SLC5A9: variants seen among roughly 807,000 people sequenced by gnomAD.
SLC5A9 encodes solute carrier family 5 member 9, also known as sodium/glucose cotransporter 4.
In SLC5A9, 59 loss-of-function variants were observed where a neutral mutation model predicts 70.9. The ratio of observed to expected loss-of-function variants is 0.83; its 90% confidence interval spans 0.68 to 1.03. The LOEUF (loss-of-function observed/expected upper bound fraction) is 1.03. Among genes scored for constraint, SLC5A9 ranks in the 50% least tolerant of loss-of-function variants. The pLI, the probability that SLC5A9 is intolerant of heterozygous loss-of-function variation, is 0.00. For missense variants in SLC5A9, 832 were observed against 881.1 expected (o/e 0.94, Z 0.71); for synonymous variants, 340 against 346.5 (o/e 0.98, Z 0.21).
chr1:48,225,681 C>T (rs1307529749), intron 2 of SLC5A9, among the ~76,000 whole-genome samples: 1 of 152,062 alleles, frequency 6.6e-6, no homozygotes, highest in Non-Finnish European at 1.5e-5. Flanking sequence ...CATACAAAGG[C>T]ACCCACACAT....
chr1:48,238,803 T>A (rs1644360021), intron 11 of SLC5A9, among the ~76,000 whole-genome samples: 1 of 152,112 alleles, frequency 6.6e-6, no homozygotes, highest in Admixed American at 6.5e-5. Flanking sequence ...TAGGGCCAAA[T>A]GGAGCTATAA....
intron 9 of SLC5A9, among the ~76,000 whole-genome samples, chr1:48,234,221 C>T (rs1483518652): frequency 3.3e-5 from 5 of 152,176 alleles, no homozygotes; most frequent in South Asian, 2.1e-4. Context: ...AGAAGCTGTG[C>T]GTGCAAAGGC....
chr1:48,222,970 G>C lies in SLC5A9; in HGVS notation c.162+72G>C, dbSNP rs1644093370. 2.6e-5 allele frequency: 40 copies of C among 1,525,908 alleles called. 1 individual carries two copies. The South Asian group carries it at 4.6e-4, about 17-fold the overall frequency. 94.5% of individuals were successfully genotyped at this position (1,525,908 alleles called of 1,614,324 possible). On this transcript the variant is annotated intron_variant, in intron 1 of 13. Coordinates refer to ENST00000438567, the MANE Select transcript of SLC5A9 (RefSeq NM_001011547.3). The stretch of plus-strand genomic sequence containing the variant: ...CTCTCAGCTTGGGTGGGGCTGTGGA[G>C]CTGGGGCAGGGCTAGGCAGAAAGAA...
At chr1:48,226,583 A>C (rs530790247) in intron 2 of SLC5A9, among the ~76,000 whole-genome samples, 25 of 152,256 alleles carry the variant, frequency 1.6e-4, no homozygotes, top group Admixed American at 1.1e-3. Flanking sequence ...CAGTCCCACC[A>C]GCACTGCTGG....
Position 48,232,007 on chromosome 1 carries a change from T to C in SLC5A9, c.753T>C (p.Asn251=). The C allele has an allele frequency of 1.6e-5, 26 of 1,614,138 alleles. No individual in the cohort carries two copies. The highest frequency in any genetic ancestry group is 2.2e-5 in the Non-Finnish European group (26 of 1,180,018). ...AGCGGTACAGGCAGGCCATCCCTAA[T>C]GTCACAGTCCCCAACACCACCTGTC... is the stretch of plus-strand genomic sequence containing the variant. ...LEQRYRQAIP[N]VTVPNTTCHL... is the part of the protein sequence containing the mutation. The change falls in exon 7 of 14, where the codon AAT becomes AAC. Residue 251 remains asparagine (N), a synonymous_variant. Coordinates refer to ENST00000438567, the MANE Select transcript of SLC5A9 (RefSeq NM_001011547.3).
chr1:48,231,705 T>C (rs1011563062), intron 6 of SLC5A9, 80 bp downstream of exon 6: 3 of 1,567,196 alleles, frequency 1.9e-6, no homozygotes, highest in Non-Finnish European at 1.7e-6. Context: ...CACAGTTCGA[T>C]TGAAACTTTC....
chr1:48,226,091 C>G (rs1644142568), intron 2 of SLC5A9, among the ~76,000 whole-genome samples: 2 of 152,078 alleles, frequency 1.3e-5, no homozygotes, highest in African/African-American at 2.4e-5. Flanking sequence ...GACAGAATCC[C>G]CAGGGATGGC....
At chr1:48,227,050 T>C (rs1644158426) in intron 2 of SLC5A9, among the ~76,000 whole-genome samples, 1 of 151,520 alleles carries the variant, frequency 6.6e-6, no homozygotes, top group Non-Finnish European at 1.5e-5. Flanking sequence ...GTGTGTGTGC[T>C]TTGCGAATGT....
chr1:48,231,687 G>A (rs1285589917), intron 6 of SLC5A9, 62 bp downstream of exon 6: 2 of 1,591,026 alleles, frequency 1.3e-6, no homozygotes, highest in Non-Finnish European at 1.7e-6. Flanking sequence ...TCCTGTCTCT[G>A]CCACCTCCAC....
At chr1:48,240,269 G>A (rs976559884) in intron 12 of SLC5A9, 8 of 152,086 alleles carry the variant, frequency 5.3e-5, no homozygotes, top group Non-Finnish European at 8.8e-5. Context: ...GTCTTTACAC[G>A]GTCTTCCCCT....
rs114089812 is a variant in SLC5A9 at position 48,229,521 on chromosome 1, C to A, written c.504+62C>A. 3.1e-4 allele frequency: 499 copies of A among 1,588,278 alleles called. No homozygotes were observed. The African/African-American group carries it at 5.8e-3, about 18-fold the overall frequency. ...ATGCTAATTAGGGAACTGCTGAGTG[C>A]ATCACCATGTGCGTGTTGCTGAGGG... On this transcript the variant is annotated intron_variant, in intron 4 of 13. Coordinates refer to ENST00000438567, the MANE Select transcript of SLC5A9 (RefSeq NM_001011547.3).
intron 4 of SLC5A9, among the ~76,000 whole-genome samples, chr1:48,229,854 A>G (rs909427378): frequency 6.6e-6 from 1 of 152,204 alleles, no homozygotes; most frequent in Non-Finnish European, 1.5e-5. Flanking sequence ...AAGCCCACAC[A>G]GAGGGCTAGC....
At chr1:48,230,500 C>G in intron 4 of SLC5A9, 100 bp from the exon 5 acceptor site, 1 of 767,630 alleles carries the variant, frequency 1.3e-6, no homozygotes, top group South Asian at 1.5e-5. Flanking sequence ...GTGATGAGGG[C>G]TGAGGGTGCC....
At position 48,239,475 on chromosome 1, in the gene SLC5A9, G is replaced by C; in HGVS notation, c.1615G>C (p.Gly539Arg). ...HYLYFAILLCGLTAIVIVIVS... is the reference protein window; with the variant it reads ...HYLYFAILLCRLTAIVIVIVS... Reference sequence around the variant, plus strand: ...CCTGTACTTTGCAATCCTCCTCTGCGGGCTCACTGCCATCGTCATTGTCAT... The same window carrying C: ...CCTGTACTTTGCAATCCTCCTCTGCCGGCTCACTGCCATCGTCATTGTCAT... The change falls in exon 12 of 14, where the codon GGG becomes CGG. Residue 539 changes from glycine to arginine, a missense_variant. Coordinates refer to ENST00000438567, the MANE Select transcript of SLC5A9 (RefSeq NM_001011547.3). This position sits in a 1 kb window ranked among gnomAD's most constrained non-coding sequence, Gnocchi z 4.2. 1 of 1,614,144 alleles carries C rather than the reference G, an allele frequency of 6.2e-7. No homozygotes were observed. Among genetic ancestry groups the C allele is most frequent in the Admixed American group, 1.7e-5 (1 of 60,018 alleles).
At position 48,224,780 on chromosome 1, in the gene SLC5A9, C is replaced by T; in HGVS notation, c.219C>T (p.Ser73=). 6.2e-7 allele frequency: 1 copy of T among 1,614,098 alleles called. No homozygotes were observed. Residue 73 remains serine, a synonymous_variant, in exon 2 of 14, where the codon TCC becomes TCT. Coordinates refer to ENST00000438567, the MANE Select transcript of SLC5A9 (RefSeq NM_001011547.3). ...TIGGYFLAGR[S]MSWWPIGASL... is the part of the protein sequence containing the mutation. ...GCGGCTATTTCCTGGCCGGGAGGTCCATGAGCTGGTGGCCAGTGAGTTGAC... is the reference window on the plus strand; with the variant it reads ...GCGGCTATTTCCTGGCCGGGAGGTCTATGAGCTGGTGGCCAGTGAGTTGAC...
intron 9 of SLC5A9, 102 bp downstream of exon 9, chr1:48,233,864 G>A: frequency 1.2e-6 from 1 of 837,224 alleles, no homozygotes; most frequent in Non-Finnish European, 2.0e-6. Context: ...GAAGAGGGAA[G>A]AAAACTATTC....
At position 48,232,515 on chromosome 1, in the gene SLC5A9, C is replaced by T. The variant is rs189674881; in HGVS notation, c.1033+13C>T. The T allele has an allele frequency of 3.8e-3, 6,197 of 1,613,854 alleles. 22 individuals are homozygous for T. The highest frequency in any genetic ancestry group is 4.8e-3 in the Non-Finnish European group (5,608 of 1,179,870). ...GCCCTGTTCCCAGGTAAGAACGAGC[C>T]TTGCTCTCTGGGTATTGGGATCTGA... is the stretch of plus-strand genomic sequence containing the variant. On this transcript the variant is annotated intron_variant, in intron 8 of 13. Transcript: ENST00000438567.
At chr1:48,234,236 G>A (rs1644296739) in intron 9 of SLC5A9, among the ~76,000 whole-genome samples, 2 of 152,208 alleles carry the variant, frequency 1.3e-5, no homozygotes, top group Non-Finnish European at 2.9e-5. Context: ...AAAGGCCCAG[G>A]GTGAAGAGAG....
chr1:48,241,070 C>G (rs1210813932), intron 12 of SLC5A9: 1 of 152,264 alleles, frequency 6.6e-6, no homozygotes, highest in South Asian at 2.1e-4. Context: ...GCCTACCCTT[C>G]CAATCACTCT....
Sources: gnomAD v4.1 joint callset for allele counts (sites outside exome capture counted in the v4.1 genomes callset) on GRCh38, gnomAD v4.1.1 for gene constraint, Gnocchi (gnomAD v3.1) non-coding constraint, MANE v1.5 for transcripts, NCBI Gene and HGNC (gene_info 2026-07-23, HGNC 2026-07-21) for gene names.